PCDHA2: variants seen among roughly 807,000 people sequenced by gnomAD.
PCDHA2 encodes protocadherin alpha 2.
PCDHA2 carries 58 observed loss-of-function variants against 66.0 expected under a neutral mutation model. The observed-to-expected ratio is 0.88, with a 90% confidence interval of 0.71 to 1.09. The LOEUF is 1.09. PCDHA2 is among the 50% of genes least tolerant of loss of function. The probability of loss-of-function intolerance (pLI) is 0.00; values close to 1 mark genes in which losing one functional copy is unlikely to be tolerated. For synonymous variants in PCDHA2, 634 were observed against 554.0 expected (o/e 1.14, Z -2.03); for missense variants, 1,267 against 1,242.3 (o/e 1.02, Z -0.30).
chr5:140,876,690 G>T, intron 1 of PCDHA2: 1 of 1,614,174 alleles, frequency 6.2e-7, no homozygotes, highest in Admixed American at 1.7e-5. Flanking sequence ...ATTACTACTC[G>T]TTGGTGCTGG....
intron 1 of PCDHA2, chr5:140,882,266 A>G (rs1471101520): frequency 6.2e-7 from 1 of 1,610,426 alleles, no homozygotes; most frequent in South Asian, 1.1e-5. Flanking sequence ...TTTGGAGTGT[A>G]CCATGCTGTC....
chr5:140,919,357 G>C (rs1158844072), intron 1 of PCDHA2, among the ~76,000 whole-genome samples: 3 of 152,148 alleles, frequency 2.0e-5, no homozygotes, highest in Non-Finnish European at 4.4e-5. Flanking sequence ...GAATCTAAAA[G>C]TGTCTCCTGC....
chr5:140,990,554 A>T (rs555586765), intron 3 of PCDHA2, among the ~76,000 whole-genome samples: 1 of 152,308 alleles, frequency 6.6e-6, no homozygotes, highest in East Asian at 1.9e-4. Context: ...GTATTACCCA[A>T]GAACACACAC....
At chr5:140,876,999 G>T (rs368334312) in intron 1 of PCDHA2, 2 of 1,612,546 alleles carry the variant, frequency 1.2e-6, no homozygotes, top group Non-Finnish European at 1.7e-6. Flanking sequence ...GCTACGTGTC[G>T]GTGCACGCGG....
chr5:140,883,551 G>T, intron 1 of PCDHA2: 4 of 1,614,234 alleles, frequency 2.5e-6, no homozygotes, highest in Non-Finnish European at 3.4e-6. Flanking sequence ...GTGACCGCGC[G>T]GGACGGGGGC....
chr5:140,810,580 C>A (rs892828391), intron 1 of PCDHA2: 1 of 152,090 alleles, frequency 6.6e-6, no homozygotes, highest in Non-Finnish European at 1.5e-5. Flanking sequence ...AAGTTGAGTA[C>A]CTTTCTATTT....
At chr5:140,842,510 C>T in intron 1 of PCDHA2, 1 of 1,613,738 alleles carries the variant, frequency 6.2e-7, no homozygotes. Flanking sequence ...CCCCTTCAAG[C>T]TGGTGTCCAC....
chr5:141,000,734 T>A (rs1221425075), intron 3 of PCDHA2, among the ~76,000 whole-genome samples: 4 of 150,588 alleles, frequency 2.7e-5, no homozygotes, highest in Non-Finnish European at 4.4e-5. Flanking sequence ...GGCCCCTATC[T>A]CTGTATATTA....
chr5:140,841,897 T>C (rs1403032733), intron 1 of PCDHA2: 2 of 1,613,728 alleles, frequency 1.2e-6, no homozygotes, highest in Middle Eastern at 1.6e-4. Context: ...ATAAACTGGT[T>C]GAGCTCGTAT....
At chr5:140,997,456 C>T (rs2097770717) in intron 3 of PCDHA2, among the ~76,000 whole-genome samples, 1 of 152,146 alleles carries the variant, frequency 6.6e-6, no homozygotes, top group African/African-American at 2.4e-5. Context: ...ATACTGAATA[C>T]TGTAGGCAAT....
chr5:140,823,697 C>A, intron 1 of PCDHA2: 1 of 1,613,956 alleles, frequency 6.2e-7, no homozygotes, highest in Non-Finnish European at 8.5e-7. Flanking sequence ...GAGACCGAAG[C>A]ACCGCGCCAC....
intron 1 of PCDHA2, among the ~76,000 whole-genome samples, chr5:140,946,403 CATAGAA>C (rs1425933072): frequency 1.3e-5 from 2 of 151,512 alleles, no homozygotes; most frequent in African/African-American, 2.4e-5. Flanking sequence ...TTAGTACAAT[CATAGAA>C]AACAATATGG....
intron 1 of PCDHA2, among the ~76,000 whole-genome samples, chr5:140,925,376 A>G (rs1010003214): frequency 2.0e-5 from 3 of 152,150 alleles, no homozygotes; most frequent in Non-Finnish European, 2.9e-5. Context: ...TCAATAGTCA[A>G]TGAGTCTCCT....
chr5:140,834,216 C>A, intron 1 of PCDHA2: 2 of 658,062 alleles, frequency 3.0e-6, no homozygotes, highest in South Asian at 2.3e-5. Flanking sequence ...CTTTCGTAAT[C>A]AGCAAAAGGA....
intron 1 of PCDHA2, among the ~76,000 whole-genome samples, chr5:140,891,762 G>C (rs554912268): frequency 1.5e-3 from 234 of 152,268 alleles, no homozygotes; most frequent in African/African-American, 4.9e-3. Context: ...GTTGGGAGGT[G>C]GGGAATTTCA....
chr5:140,941,446 G>C (rs1241311664), intron 1 of PCDHA2, among the ~76,000 whole-genome samples: 1 of 150,694 alleles, frequency 6.6e-6, no homozygotes, highest in African/African-American at 2.4e-5. Flanking sequence ...CTCGGGAGTA[G>C]CTGGGATTAC....
chr5:140,872,429 C>T (rs2053657736), intron 1 of PCDHA2, among the ~76,000 whole-genome samples: 1 of 152,028 alleles, frequency 6.6e-6, no homozygotes, highest in Non-Finnish European at 1.5e-5. Flanking sequence ...GAGTTCGAGG[C>T]CTGCCTGGAC....
chr5:140,909,801 T>C (rs1462008196), intron 1 of PCDHA2, among the ~76,000 whole-genome samples: 1 of 152,134 alleles, frequency 6.6e-6, no homozygotes, highest in African/African-American at 2.4e-5. Context: ...AGACTTCAGC[T>C]AAAACTCCAT....
intron 3 of PCDHA2, among the ~76,000 whole-genome samples, chr5:141,006,727 G>A (rs2098285106): frequency 6.6e-6 from 1 of 152,080 alleles, no homozygotes. Context: ...AGAAATGACA[G>A]GTCTTGATGA....
Sources: allele counts gnomAD v4.1 joint callset (sites outside exome capture counted in the v4.1 genomes callset), GRCh38; gene constraint gnomAD v4.1.1; transcripts MANE v1.5; gene names NCBI Gene and HGNC (gene_info 2026-07-23, HGNC 2026-07-21).